PDGFRB: variants seen among roughly 807,000 people sequenced by gnomAD.
The protein encoded by PDGFRB is platelet derived growth factor receptor beta.
In PDGFRB, 42 loss-of-function variants were observed where a neutral mutation model predicts 120.2. That is an observed-to-expected ratio of 0.35 (90% CI 0.27 to 0.45). The LOEUF is 0.45. Ranked by LOEUF, PDGFRB falls within the 20% of genes least tolerant of loss-of-function variation. The probability of loss-of-function intolerance (pLI) is 1.00; values close to 1 mark genes in which losing one functional copy is unlikely to be tolerated. For synonymous variants in PDGFRB, 586 were observed against 606.8 expected (o/e 0.97, Z 0.50); for missense variants, 1,149 against 1,476.3 (o/e 0.78, Z 3.63).
intron 1 of PDGFRB, among the ~76,000 whole-genome samples, chr5:150,152,902 G>A (rs1055872639): frequency 6.6e-6 from 1 of 152,234 alleles, no homozygotes; most frequent in East Asian, 1.9e-4. Flanking sequence ...GCCCACACAC[G>A]GTCCTGCTGC....
At chr5:150,145,011 C>T (rs1760882687) in intron 1 of PDGFRB, among the ~76,000 whole-genome samples, 1 of 152,240 alleles carries the variant, frequency 6.6e-6, no homozygotes, top group Admixed American at 6.5e-5. Flanking sequence ...GGTCCACTAA[C>T]ACGTGAATGT....
intron 14 of PDGFRB, 68 bp downstream of exon 14, chr5:150,124,182 G>C: frequency 9.6e-7 from 1 of 1,043,068 alleles, no homozygotes; most frequent in Non-Finnish European, 1.5e-6. Flanking sequence ...CCTGAGGGGG[G>C]GGTAGGCGGG....
At chr5:150,117,563 C>A in intron 22 of PDGFRB, 55 bp downstream of exon 22, 1 of 968,990 alleles carries the variant, frequency 1.0e-6, no homozygotes, top group Non-Finnish European at 1.6e-6. Flanking sequence ...CACACACACA[C>A]ACACACACAC....
intron 10 of PDGFRB, among the ~76,000 whole-genome samples, chr5:150,127,956 T>G (rs1173418239): frequency 1.3e-5 from 2 of 150,274 alleles, no homozygotes; most frequent in East Asian, 2.0e-4. Flanking sequence ...TCTGCTTCCC[T>G]CTCCAACTTC....
chr5:150,139,649 T>C (rs1760727313), intron 1 of PDGFRB, among the ~76,000 whole-genome samples: 1 of 152,022 alleles, frequency 6.6e-6, no homozygotes, highest in Non-Finnish European at 1.5e-5. Context: ...ACAAGTTGTT[T>C]CCCTCTCTGG....
intron 1 of PDGFRB, among the ~76,000 whole-genome samples, chr5:150,140,982 C>G (rs530800094): frequency 6.6e-6 from 1 of 152,194 alleles, no homozygotes; most frequent in Non-Finnish European, 1.5e-5. Flanking sequence ...CACAGGCAGG[C>G]CAGGGAGGGG....
In PDGFRB at chr5:150,155,825, G is replaced by GGGCAGTCACTGCTGGCTGCT; in HGVS notation, c.-455_-436dup. 2 of 397,132 alleles carry GGGCAGTCACTGCTGGCTGCT rather than the reference G, an allele frequency of 5.0e-6. No individual in the cohort carries two copies. The highest frequency in any genetic ancestry group is 4.1e-5 in the African/African-American group (2 of 48,714). The allele number at this position is 397,132 out of a possible 1,614,324, so 24.6% of individuals were successfully genotyped here. ...AGCGATCCTGGGTCCCAGATAGGGC[G>GGGCAGTCACTGCTGGCTGCT]GGCAGTCACTGCTGGCTGCTGGCAG... On this transcript the variant is annotated 5_prime_UTR_variant, in exon 1 of 23. Transcript: ENST00000261799.
At chr5:150,133,484 T>A in intron 6 of PDGFRB, 102 bp downstream of exon 6, 1 of 959,116 alleles carries the variant, frequency 1.0e-6, no homozygotes. Context: ...CTGATCACTG[T>A]ATCAAAAATG....
chr5:150,144,934 A>G (rs1580819201), intron 1 of PDGFRB, among the ~76,000 whole-genome samples: 1 of 152,220 alleles, frequency 6.6e-6, no homozygotes, highest in South Asian at 2.1e-4. Flanking sequence ...AAAAATAACA[A>G]TAATAATAAT....
At chr5:150,130,464 C>A in intron 9 of PDGFRB, 75 bp downstream of exon 9, 1 of 1,417,404 alleles carries the variant, frequency 7.1e-7, no homozygotes, top group Non-Finnish European at 9.8e-7. Context: ...GAAGAACGGG[C>A]GGGACTAGAT....
Position 150,155,689 on chromosome 5 carries a change from G to T in PDGFRB, c.-299C>A, listed in dbSNP as rs1036084419. ...CGCCAGAGGGGCCGCCCTGGGTCTG[G>T]CTGTCTGCGTTGGGCAGGGCGAGCA... On this transcript the variant is annotated 5_prime_UTR_variant, in exon 1 of 23. Coordinates refer to ENST00000261799, the MANE Select transcript of PDGFRB (RefSeq NM_002609.4). 7 of 398,552 alleles carry T rather than the reference G, an allele frequency of 1.8e-5. No homozygotes were observed. The East Asian group carries it at 2.5e-4, about 14-fold the overall frequency. 24.7% of individuals were successfully genotyped at this position (398,552 alleles called of 1,614,324 possible).
Position 150,115,907 on chromosome 5 carries a change from G to A in PDGFRB, c.3177C>T (p.Ser1059=), listed in dbSNP as rs1363677100. ...CCTGGGGCTCCAGGGGGCTGTCACA[G>A]GAGATGGTTGAGGAGGTGTTGACTT... ...LNEVNTSSTI[S]CDSPLEPQDE... The change falls in exon 23 of 23, where the codon TCC becomes TCT. Residue 1059 remains serine, a synonymous_variant. Transcript: ENST00000261799. 2 of 1,598,452 alleles carry A rather than the reference G, an allele frequency of 1.3e-6. No homozygotes were observed. Among genetic ancestry groups the A allele is most frequent in the Non-Finnish European group, 1.7e-6 (2 of 1,171,318 alleles).
At chr5:150,124,952 GA>G in intron 12 of PDGFRB, 121 bp from the exon 13 acceptor site, 1 of 591,592 alleles carries the variant, frequency 1.7e-6, no homozygotes, top group East Asian at 2.8e-5. Context: ...CCAGTGAGGG[GA>G]AAGAGCCACT....
chr5:150,123,034 C>T lies in PDGFRB; in HGVS notation c.2183+8G>A. 6.2e-7 allele frequency: 1 copy of T among 1,611,886 alleles called. No individual in the cohort carries two copies. The highest frequency in any genetic ancestry group is 8.5e-7 in the Non-Finnish European group (1 of 1,179,372). ...CAAAGATTCAGTCCCTGGCCTCCCT[C>T]CTGGTACCTGGGCAGGGGGAGCCCA... On this transcript the variant is annotated splice_region_variant and intron_variant, in intron 15 of 22. Coordinates refer to ENST00000261799, the MANE Select transcript of PDGFRB (RefSeq NM_002609.4).
intron 10 of PDGFRB, among the ~76,000 whole-genome samples, chr5:150,127,278 A>G (rs1760321790): frequency 1.3e-5 from 2 of 152,042 alleles, no homozygotes; most frequent in Admixed American, 6.5e-5. Context: ...TCTTCGCTGT[A>G]CAGCTTCCCA....
intron 1 of PDGFRB, among the ~76,000 whole-genome samples, chr5:150,150,438 G>A (rs903336311): frequency 1.3e-5 from 2 of 152,214 alleles, no homozygotes; most frequent in African/African-American, 4.8e-5. Flanking sequence ...TCACAGGGCG[G>A]AGAAGCTGGT....
At chr5:150,127,276 G>A (rs1760321568) in intron 10 of PDGFRB, among the ~76,000 whole-genome samples, 1 of 152,114 alleles carries the variant, frequency 6.6e-6, no homozygotes, top group African/African-American at 2.4e-5. Context: ...CCTCTTCGCT[G>A]TACAGCTTCC....
intron 10 of PDGFRB, among the ~76,000 whole-genome samples, 175 bp downstream of exon 10, chr5:150,129,582 G>C (rs768588765): frequency 6.6e-6 from 1 of 152,198 alleles, no homozygotes; most frequent in African/African-American, 2.4e-5. Flanking sequence ...TACCCATATT[G>C]TGTTTGCCAG....
Position 150,120,955 on chromosome 5 carries a change from A to G in PDGFRB, c.2519T>C (p.Val840Ala). The change falls in exon 18 of 23, where the codon GTC becomes GCC. Residue 840 changes from valine to alanine, a missense_variant. Val to Ala is a moderately conservative substitution (Grantham distance 64, BLOSUM62 0). Transcript: ENST00000261799. This position sits in a 1 kb window ranked among gnomAD's most constrained non-coding sequence, Gnocchi z 4.3. Reference protein sequence around the residue: ...RNVLICEGKLVKICDFGLARD... With the variant: ...RNVLICEGKLAKICDFGLARD... ...AGCCAGGCCAAAGTCACAGATCTTGACCAGCTTGCCTTCACAGATGAGCAC... is the reference window on the plus strand; with the variant it reads ...AGCCAGGCCAAAGTCACAGATCTTGGCCAGCTTGCCTTCACAGATGAGCAC... 1 of 1,613,524 alleles carries G rather than the reference A, an allele frequency of 6.2e-7. No homozygotes were observed. Among genetic ancestry groups the G allele is most frequent in the Non-Finnish European group, 8.5e-7 (1 of 1,179,816 alleles).
Sources: allele counts gnomAD v4.1 joint callset (sites outside exome capture counted in the v4.1 genomes callset), GRCh38; gene constraint gnomAD v4.1.1; non-coding constraint Gnocchi (gnomAD v3.1); transcripts MANE v1.5; gene names NCBI Gene and HGNC (gene_info 2026-07-23, HGNC 2026-07-21).